Variants in SFMBT2 observed in about 807,000 individuals in gnomAD.
SFMBT2 encodes the protein scm-like with four MBT domains protein 2.
In SFMBT2, 38 loss-of-function variants were observed where a neutral mutation model predicts 110.1. The ratio of observed to expected loss-of-function variants is 0.35; its 90% CI spans 0.27 to 0.45. The LOEUF (loss-of-function observed/expected upper bound fraction) is 0.45. Ranked by LOEUF, SFMBT2 falls within the 20% of genes least tolerant of loss-of-function variation. The probability of loss-of-function intolerance (pLI) is 1.00; values close to 1 mark genes in which losing one functional copy is unlikely to be tolerated. For missense variants in SFMBT2, 1,011 were observed against 1,094.9 expected, an observed-to-expected ratio of 0.92 and a Z score of 1.08; for synonymous variants, 425 against 425.4, an observed-to-expected ratio of 1.00 and a Z score of 0.01.
chr10:7,346,293 G>A (rs368072682), intron 4 of SFMBT2, among the ~76,000 whole-genome samples: 4 of 152,074 alleles, frequency 2.6e-5, no homozygotes, highest in South Asian at 2.1e-4. Flanking sequence ...TTCTGACCCC[G>A]GTGTTCTAAC....
chr10:7,344,958 CAAAAAAAA>C (rs35145669), intron 4 of SFMBT2, among the ~76,000 whole-genome samples: 6 of 53,244 alleles, frequency 1.1e-4, no homozygotes, highest in Admixed American at 5.9e-4. Flanking sequence ...GACTCTGTCT[CAAAAAAAA>C]AAAAAAAAAA....
intron 6 of SFMBT2, among the ~76,000 whole-genome samples, chr10:7,278,079 G>C (rs1198263726): frequency 6.6e-6 from 1 of 152,124 alleles, no homozygotes; most frequent in African/African-American, 2.4e-5. Flanking sequence ...ACACACAAAG[G>C]GTAATTCACA....
chr10:7,265,872 T>TA (rs1271529650), intron 7 of SFMBT2, among the ~76,000 whole-genome samples: 1 of 152,136 alleles, frequency 6.6e-6, no homozygotes, highest in Admixed American at 6.5e-5. Context: ...GCACTGAGGA[T>TA]AAAGCAGTCA....
intron 1 of SFMBT2, among the ~76,000 whole-genome samples, chr10:7,389,720 C>T (rs1845716889): frequency 6.6e-6 from 1 of 152,198 alleles, no homozygotes; most frequent in Admixed American, 6.5e-5. Flanking sequence ...CCTCTCTACT[C>T]CTTGAATTTC....
At chr10:7,280,920 C>T (rs1304671950) in intron 6 of SFMBT2, among the ~76,000 whole-genome samples, 1 of 152,148 alleles carries the variant, frequency 6.6e-6, no homozygotes, top group Non-Finnish European at 1.5e-5. Flanking sequence ...TTTTGCTGAA[C>T]AGTTGAGAAA....
chr10:7,176,533 A>G lies in SFMBT2; in HGVS notation c.1809-368T>C. On this transcript the variant is annotated intron_variant, in intron 16 of 20. Transcript: ENST00000397167. The stretch of plus-strand genomic sequence containing the variant: ...GAATGGGTATTTTCCTGTTGCTATC[A>G]TATTTCATTTTTGAAAAATGTGAGT... 4 of 985,228 alleles carry G rather than the reference A, an allele frequency of 4.1e-6. No homozygotes were observed. The South Asian group carries it at 1.4e-4, about 35-fold the overall frequency. The allele number at this position is 985,228 out of a possible 1,614,324, so 61.0% of individuals were successfully genotyped here.
chr10:7,364,894 C>T (rs913423497), intron 4 of SFMBT2, among the ~76,000 whole-genome samples: 3 of 152,240 alleles, frequency 2.0e-5, no homozygotes, highest in African/African-American at 7.2e-5. Flanking sequence ...CTAACTAGAC[C>T]TGGCATTTCC....
In SFMBT2 at chr10:7,395,513, T is replaced by C. The variant is rs61271093; in HGVS notation, c.-51-13564A>G. Among the ~76,000 whole-genome samples, 964 of 152,374 alleles carry C rather than the reference T, an allele frequency of 6.3e-3. 8 individuals carry two copies. The highest frequency in any genetic ancestry group is 0.019 in the African/African-American group (783 of 41,592). On this transcript the variant is annotated intron_variant, in intron 1 of 20. Coordinates refer to ENST00000397167, the MANE Select transcript of SFMBT2 (RefSeq NM_001387889.1). ...AGCTCTAGGATATTTTCTTGAATTA[T>C]TGCTAATTTCCTCATCTCCGTTTTC...
intron 15 of SFMBT2, among the ~76,000 whole-genome samples, chr10:7,190,956 G>A (rs1038306963): frequency 2.0e-5 from 3 of 152,206 alleles, no homozygotes; most frequent in Admixed American, 1.3e-4. Flanking sequence ...TAAGTCTCAT[G>A]AGATCTGATG....
chr10:7,356,891 G>A (rs1844533488), intron 4 of SFMBT2, among the ~76,000 whole-genome samples: 1 of 152,124 alleles, frequency 6.6e-6, no homozygotes, highest in Admixed American at 6.5e-5. Context: ...CAGGCAGTGA[G>A]CCTAAAAAGT....
At chr10:7,249,483 T>C (rs1840730145) in intron 7 of SFMBT2, 2 of 978,810 alleles carry the variant, frequency 2.0e-6, no homozygotes, top group South Asian at 9.4e-5. Context: ...TAAATGAATG[T>C]ATTTGCAGTC....
rs1286941990 is a variant in SFMBT2, at chr10:7,171,576, C to T, written c.2415+319G>A. On this transcript the variant is annotated intron_variant, in intron 19 of 20. Transcript: ENST00000397167. This position sits in a 1 kb window ranked among gnomAD's most constrained non-coding sequence, Gnocchi z 4.9. ...AGACACAGCGCAGTCAGGGGAGATGCGGGGAAGGAATTTCTGGAAACCCAG... is the reference window on the plus strand; with the variant it reads ...AGACACAGCGCAGTCAGGGGAGATGTGGGGAAGGAATTTCTGGAAACCCAG... The T allele has an allele frequency of 2.4e-5, 24 of 985,096 alleles. No individual in the cohort carries two copies. The Admixed American group carries it at 3.1e-4, about 13-fold the overall frequency. 61.0% of individuals were successfully genotyped at this position (985,096 alleles called of 1,614,324 possible). A position where few individuals can be genotyped will look rare whatever the true frequency, so the allele number is the denominator to read the frequency against.
At position 7,320,135 on chromosome 10, in the gene SFMBT2, C is replaced by T. The variant is rs148140361; in HGVS notation, c.437-34181G>A. Among the ~76,000 whole-genome samples the T allele has an allele frequency of 3.6e-3, 555 of 152,302 alleles. 2 individuals are homozygous for T. Among genetic ancestry groups the T allele is most frequent in the Non-Finnish European group, 4.5e-3 (303 of 68,008 alleles). ...GACAGAGAAAGTCAAAGCTTGACAA[C>T]GCCAACTTGGCCAGATGCATGGCTC... On this transcript the variant is annotated intron_variant, in intron 4 of 20. Coordinates refer to ENST00000397167, the MANE Select transcript of SFMBT2 (RefSeq NM_001387889.1).
Position 7,381,784 on chromosome 10 carries a change from A to G in SFMBT2, c.100+15T>C, listed in dbSNP as rs377406532. The G allele has an allele frequency of 1.9e-6, 3 of 1,608,444 alleles. No individual in the cohort carries two copies. The highest frequency in any genetic ancestry group is 1.7e-5 in the Admixed American group (1 of 58,584). ...TCATCAAAAATCCAGATGAATCTCG[A>G]AAACAAAATCCTACCAGAATCAAGG... On this transcript the variant is annotated intron_variant, in intron 2 of 20. Coordinates refer to ENST00000397167, the MANE Select transcript of SFMBT2 (RefSeq NM_001387889.1).
rs1463567674 is a variant in SFMBT2 at position 7,301,551 on chromosome 10, T to C, written c.437-15597A>G. Among the ~76,000 whole-genome samples the C allele has an allele frequency of 6.6e-6, 1 of 152,046 alleles. No individual in the cohort carries two copies. Among genetic ancestry groups the C allele is most frequent in the African/African-American group, 2.4e-5 (1 of 41,418 alleles). ...AGTGGCACACTTTCCACTGAGACAG[T>C]GGGGGCAGGTCCCCGGGGCCGGCAA... On this transcript the variant is annotated intron_variant, in intron 4 of 20. Transcript: ENST00000397167. The surrounding 1 kb of genome is among the most constrained non-coding windows in gnomAD (Gnocchi z 4.2).
chr10:7,197,425 G>A (rs1003338864), intron 15 of SFMBT2, 123 bp downstream of exon 15: 41 of 1,319,538 alleles, frequency 3.1e-5, no homozygotes, highest in African/African-American at 4.4e-5. Context: ...TGGAGAGAAC[G>A]GAGGTCTCGG....
intron 20 of SFMBT2, chr10:7,164,364 C>A (rs1036208681): frequency 9.5e-6 from 9 of 942,920 alleles, no homozygotes; most frequent in East Asian, 1.2e-4. Flanking sequence ...CCAGCCTGGG[C>A]AACACAGCAG....
intron 9 of SFMBT2, among the ~76,000 whole-genome samples, chr10:7,230,017 C>CTA (rs57822891): frequency 0.013 from 1,912 of 148,590 alleles, 32 homozygotes; most frequent in African/African-American, 0.037. Flanking sequence ...CCGCCCAGCC[C>CTA]TATATATATA....
At chr10:7,406,463 G>GT (rs765340262) in intron 1 of SFMBT2, among the ~76,000 whole-genome samples, 11 of 143,530 alleles carry the variant, frequency 7.7e-5, no homozygotes, top group South Asian at 2.4e-4. Flanking sequence ...GGGGGCAGTG[G>GT]TTAAAAAAAA....
Sources: allele counts gnomAD v4.1 joint callset (sites outside exome capture counted in the v4.1 genomes callset), GRCh38; gene constraint gnomAD v4.1.1; non-coding constraint Gnocchi (gnomAD v3.1); transcripts MANE v1.5; gene names NCBI Gene and HGNC (gene_info 2026-07-23, HGNC 2026-07-21).